The following ZNF100 variants were observed in gnomAD, a reference collection of about 807,000 sequenced individuals.
ZNF100 encodes zinc finger protein 100.
A neutral mutation model predicts 15.8 loss-of-function variants in ZNF100; 12 were observed. That is an observed-to-expected ratio of 0.76 (90% confidence interval 0.49 to 1.23). ZNF100 has a LOEUF of 1.23. Among genes scored for constraint, ZNF100 ranks in the 50% most tolerant of loss-of-function variants. ZNF100 has a pLI of 0.00. For missense variants in ZNF100, 670 were observed against 635.6 expected, an observed-to-expected ratio of 1.05 and a Z score of -0.58; for synonymous variants, 226 against 214.8, an observed-to-expected ratio of 1.05 and a Z score of -0.45.
chr19:21,741,624 C>T (rs1029040113), intron 4 of ZNF100, among the ~76,000 whole-genome samples: 21 of 151,936 alleles, frequency 1.4e-4, no homozygotes, highest in African/African-American at 5.1e-4. Context: ...GTCTGCCCAC[C>T]TCAGCATCTC....
rs924681185 is a variant in ZNF100 at position 21,745,043 on chromosome 19, C to A, written c.121G>T (p.Ala41Ser). Reference sequence around the variant, plus strand: ...CACTCCTCCAGAGAGAATTCTATGGCCACATCCCTAAACGTCAATGGCCCC... The same window carrying A: ...CACTCCTCCAGAGAGAATTCTATGGACACATCCCTAAACGTCAATGGCCCC... ...EKGPLTFRDV[A>S]IEFSLEEWQC... The change falls in exon 3 of 5, where the codon GCC becomes TCC. Residue 41 changes from alanine (A) to serine (S), a missense_variant. Coordinates refer to ENST00000358296, the MANE Select transcript of ZNF100 (RefSeq NM_173531.4). The A allele has an allele frequency of 1.4e-5, 23 of 1,612,900 alleles. No individual in the cohort carries two copies. Among genetic ancestry groups the A allele is most frequent in the Non-Finnish European group, 1.8e-5 (21 of 1,179,812 alleles).
chr19:21,742,253 C>A (rs1353835603), intron 4 of ZNF100, among the ~76,000 whole-genome samples: 1 of 148,506 alleles, frequency 6.7e-6, no homozygotes, highest in African/African-American at 2.5e-5. Context: ...GCCGAGATTG[C>A]GCTATTGCAC....
chr19:21,727,529 G>C lies in ZNF100; in HGVS notation c.783C>G (p.Tyr261Ter), dbSNP rs754984560. The change falls in exon 5 of 5, where the codon TAC becomes TAG. Residue 261 changes from tyrosine to a stop codon, truncating the protein, a stop_gained. Transcript: ENST00000358296. LOFTEE classifies it low-confidence loss of function (END_TRUNC). ...HRRIHTGEKPYKCEECGKAFN... is the reference protein window; with the variant it reads ...HRRIHTGEKP The stretch of plus-strand genomic sequence containing the variant: ...ATGCTTTCCCACATTCTTCACATTT[G>C]TAGGGTTTCTCTCCAGTATGAATTC... 6.8e-6 allele frequency: 11 copies of C among 1,613,706 alleles called. No homozygotes were observed. Among genetic ancestry groups the C allele is most frequent in the Admixed American group, 1.7e-5 (1 of 59,990 alleles).
intron 2 of ZNF100, among the ~76,000 whole-genome samples, chr19:21,748,730 G>A (rs2036253083): frequency 6.6e-6 from 1 of 152,158 alleles, no homozygotes; most frequent in Non-Finnish European, 1.5e-5. Flanking sequence ...TTGAGATGGA[G>A]TTTCATTCTT....
At chr19:21,753,368 G>C (rs1020566006) in intron 2 of ZNF100, 2 of 152,132 alleles carry the variant, frequency 1.3e-5, no homozygotes, top group African/African-American at 4.8e-5. Context: ...GAGCGCAGCA[G>C]TTCAAGACCA....
Position 21,727,798 on chromosome 19 carries a change from T to A in ZNF100, c.514A>T (p.Thr172Ser). 6.2e-7 allele frequency: 1 copy of A among 1,613,536 alleles called. No homozygotes were observed. Among genetic ancestry groups the A allele is most frequent in the Non-Finnish European group, 8.5e-7 (1 of 1,179,814 alleles). The change falls in exon 5 of 5, where the codon ACC becomes TCC. Residue 172 changes from threonine (T) to serine (S), a missense_variant. Physicochemically the swap from Thr to Ser is moderately conservative, Grantham distance 58 (BLOSUM62 1). Coordinates refer to ENST00000358296, the MANE Select transcript of ZNF100 (RefSeq NM_173531.4). ...TCACATTGAAATATGTTGCTCTGGG[T>A]AGTTATCAAACACTGGTTTAATTTG... The part of the protein sequence containing the change: ...DNKLNQCLIT[T>S]QSNIFQCDPS...
chr19:21,739,268 T>C (rs2036065214), intron 4 of ZNF100, among the ~76,000 whole-genome samples: 1 of 152,250 alleles, frequency 6.6e-6, no homozygotes, highest in African/African-American at 2.4e-5. Context: ...ATAACAAGTC[T>C]TATTGAAGAA....
rs951275840 is a variant in ZNF100, at chr19:21,724,608, A to G, written c.*2075T>C. ...AGTATAAAACTGGGTTGCTTGTAAT[A>G]CAAAGGATAAATACTAGAGGTGATG... On this transcript the variant is annotated 3_prime_UTR_variant, in exon 5 of 5. Coordinates refer to ENST00000358296, the MANE Select transcript of ZNF100 (RefSeq NM_173531.4). The G allele has an allele frequency of 5.3e-5, 8 of 152,200 alleles. No homozygotes were observed. The highest frequency in any genetic ancestry group is 1.2e-4 in the Non-Finnish European group (8 of 68,030). 9.4% of individuals were successfully genotyped at this position (152,200 alleles called of 1,614,324 possible).
At chr19:21,764,741 G>A (rs2036533335) in intron 2 of ZNF100, among the ~76,000 whole-genome samples, 1 of 151,900 alleles carries the variant, frequency 6.6e-6, no homozygotes, top group South Asian at 2.1e-4. Flanking sequence ...TGAGTCATAT[G>A]GGAGCACTTC....
intron 4 of ZNF100, among the ~76,000 whole-genome samples, chr19:21,741,217 CAG>C (rs983824081): frequency 2.0e-5 from 3 of 152,056 alleles, no homozygotes; most frequent in Non-Finnish European, 4.4e-5. Context: ...CTCATAAAAA[CAG>C]AAAGTGGAAG....
rs559993640 is a variant in ZNF100 at position 21,742,913 on chromosome 19, G to GT, written c.322+1103dup. 4.0e-3 allele frequency among the ~76,000 whole-genome samples: 610 copies of GT among 151,982 alleles called. 3 individuals carry two copies. Among genetic ancestry groups the GT allele is most frequent in the Non-Finnish European group, 6.7e-3 (452 of 67,946 alleles). Reference sequence around the variant, plus strand: ...TCTGAGAGGAAATTTAACCAAGAAGGTAAAAAAAATCTTTACAATAAAAGA... The same window carrying GT: ...TCTGAGAGGAAATTTAACCAAGAAGGTTAAAAAAAATCTTTACAATAAAAGA... On this transcript the variant is annotated intron_variant, in intron 4 of 4. Transcript: ENST00000358296.
intron 4 of ZNF100, among the ~76,000 whole-genome samples, chr19:21,740,730 TCA>T (rs1275554446): frequency 1.3e-5 from 2 of 151,788 alleles, no homozygotes; most frequent in Non-Finnish European, 2.9e-5. Flanking sequence ...TGAAATCACC[TCA>T]CATCCATTAC....
At chr19:21,754,050 T>C (rs2036353019) in intron 2 of ZNF100, among the ~76,000 whole-genome samples, 2 of 152,242 alleles carry the variant, frequency 1.3e-5, no homozygotes, top group South Asian at 4.1e-4. Context: ...ATGTGAAATC[T>C]ATTTCTCCTA....
chr19:21,750,902 C>T (rs2036295011), intron 2 of ZNF100: 3 of 590,676 alleles, frequency 5.1e-6, no homozygotes, highest in East Asian at 5.6e-5. Context: ...CAAGCTGGGC[C>T]GGTGCGTGGT....
At chr19:21,742,824 AT>A (rs2036141570) in intron 4 of ZNF100, among the ~76,000 whole-genome samples, 1 of 152,242 alleles carries the variant, frequency 6.6e-6, no homozygotes, top group Admixed American at 6.5e-5. Context: ...TGTTCCATAC[AT>A]TTTAACCATC....
At chr19:21,741,158 G>T (rs1265152112) in intron 4 of ZNF100, among the ~76,000 whole-genome samples, 1 of 152,132 alleles carries the variant, frequency 6.6e-6, no homozygotes, top group African/African-American at 2.4e-5. Flanking sequence ...GAAACAAAAT[G>T]ATGGACACTG....
In ZNF100 at chr19:21,726,505, G is replaced by A; in HGVS notation, c.*178C>T. On this transcript the variant is annotated 3_prime_UTR_variant, in exon 5 of 5. Transcript: ENST00000358296. Reference sequence around the variant, plus strand: ...AAGTTTGAGGTGTTTTCAAAGCACTGTCACATCTTTCTGGTTTGTAGAATT... The same window carrying A: ...AAGTTTGAGGTGTTTTCAAAGCACTATCACATCTTTCTGGTTTGTAGAATT... The A allele has an allele frequency of 3.3e-6, 2 of 599,492 alleles. No homozygotes were observed. The allele number at this position is 599,492 out of a possible 1,614,324, so 37.1% of individuals were successfully genotyped here. A position where few individuals can be genotyped will look rare whatever the true frequency, so the allele number is the denominator to read the frequency against.
chr19:21,761,081 T>C (rs954422084), intron 2 of ZNF100, among the ~76,000 whole-genome samples: 1 of 152,022 alleles, frequency 6.6e-6, no homozygotes, highest in Non-Finnish European at 1.5e-5. Flanking sequence ...TCAATACTAA[T>C]GGAGAACTAA....
chr19:21,758,607 G>A (rs1490130710), intron 2 of ZNF100, among the ~76,000 whole-genome samples: 1 of 152,152 alleles, frequency 6.6e-6, no homozygotes, highest in Non-Finnish European at 1.5e-5. Flanking sequence ...CATTGTCTGG[G>A]GGTTGGGATA....
Sources: gnomAD v4.1 joint callset for allele counts (sites outside exome capture counted in the v4.1 genomes callset) on GRCh38, gnomAD v4.1.1 for gene constraint, MANE v1.5 for transcripts, NCBI Gene and HGNC (gene_info 2026-07-23, HGNC 2026-07-21) for gene names.